The following ERBB4 variants were observed in gnomAD, a reference collection of about 807,000 sequenced individuals.
ERBB4 encodes erb-b2 receptor tyrosine kinase 4, also known as receptor tyrosine-protein kinase erbB-4.
In ERBB4, 42 loss-of-function variants were observed where a neutral mutation model predicts 158.0. That is an observed-to-expected ratio of 0.27 (90% CI 0.21 to 0.34). The LOEUF (loss-of-function observed/expected upper bound fraction) is 0.34, where lower values mean the gene tolerates loss of function less well. ERBB4 is among the 10% of genes least tolerant of loss of function. The probability of loss-of-function intolerance (pLI) is 1.00; values close to 1 mark genes in which losing one functional copy is unlikely to be tolerated. For missense variants in ERBB4, 1,333 were observed against 1,624.1 expected (o/e 0.82, Z 3.08); for synonymous variants, 583 against 558.7 (o/e 1.04, Z -0.61).
intron 2 of ERBB4, among the ~76,000 whole-genome samples, chr2:211,956,555 G>A (rs1032216156): frequency 5.9e-5 from 9 of 151,834 alleles, no homozygotes; most frequent in African/African-American, 1.2e-4. Flanking sequence ...TCAATATTAC[G>A]TTCCTCTTCT....
At chr2:211,983,735 G>A (rs1038302648) in intron 2 of ERBB4, among the ~76,000 whole-genome samples, 8 of 152,046 alleles carry the variant, frequency 5.3e-5, no homozygotes, top group African/African-American at 1.4e-4. Context: ...ATTTAGAGAT[G>A]GTAGTCATTT....
chr2:212,067,982 G>A (rs915788758), intron 2 of ERBB4, among the ~76,000 whole-genome samples: 6 of 151,988 alleles, frequency 3.9e-5, no homozygotes, highest in Non-Finnish European at 7.4e-5. Context: ...ATGCAAAAAC[G>A]AATGAACAGA....
intron 20 of ERBB4, among the ~76,000 whole-genome samples, chr2:211,479,480 G>T (rs35115632): frequency 0.14 from 21,733 of 152,068 alleles, 1,906 homozygotes; most frequent in Admixed American, 0.19. Context: ...ACTGTACATT[G>T]TTTGAAGGTG....
chr2:212,203,287 C>G (rs2082642002), intron 1 of ERBB4, among the ~76,000 whole-genome samples: 1 of 152,000 alleles, frequency 6.6e-6, no homozygotes, highest in African/African-American at 2.4e-5. Flanking sequence ...ATTAGCTATA[C>G]AGGTGTAAGA....
Position 211,413,310 on chromosome 2 carries a change from ACACACAC to A in ERBB4, c.3135+7124_3135+7130del, listed in dbSNP as rs1480410944. Among the ~76,000 whole-genome samples the A allele has an allele frequency of 7.3e-5, 7 of 95,874 alleles. 2 individuals are homozygous for A. Among genetic ancestry groups the A allele is most frequent in the Non-Finnish European group, 9.9e-5 (5 of 50,552 alleles). 62.9% of individuals were successfully genotyped at this position (95,874 alleles called of 152,430 possible). The stretch of plus-strand genomic sequence containing the variant: ...GACAGAGAGAGACCCTGTCTTAAAA[ACACACAC>A]ACACACACACACACACACACACACA... On this transcript the variant is annotated intron_variant, in intron 25 of 27. Coordinates refer to ENST00000342788, the MANE Select transcript of ERBB4 (RefSeq NM_005235.3).
chr2:211,798,347 T>C (rs2076428037), intron 3 of ERBB4, among the ~76,000 whole-genome samples: 1 of 152,164 alleles, frequency 6.6e-6, no homozygotes. Context: ...AGGCTGTTCA[T>C]TTTTATTGTT....
At chr2:212,429,125 G>A (rs974327602) in intron 1 of ERBB4, 1 of 152,346 alleles carries the variant, frequency 6.6e-6, no homozygotes, top group Non-Finnish European at 1.5e-5. Flanking sequence ...CTAAAGCAGG[G>A]AAGAGAGAGA....
intron 20 of ERBB4, among the ~76,000 whole-genome samples, chr2:211,538,044 T>A (rs2066703073): frequency 6.8e-6 from 1 of 147,218 alleles, no homozygotes. Context: ...CTCAGAAACA[T>A]CCAATAATAG....
chr2:212,416,102 A>G (rs1338106188), intron 1 of ERBB4, among the ~76,000 whole-genome samples: 1 of 152,120 alleles, frequency 6.6e-6, no homozygotes, highest in African/African-American at 2.4e-5. Context: ...CTTTCTATTG[A>G]CTCGCATTTG....
At chr2:211,775,065 G>A (rs972958126) in intron 4 of ERBB4, among the ~76,000 whole-genome samples, 2 of 152,144 alleles carry the variant, frequency 1.3e-5, no homozygotes, top group African/African-American at 4.8e-5. Flanking sequence ...TGTTTCCTAA[G>A]GTCAAAAGAG....
At chr2:212,028,821 C>A (rs144933121) in intron 2 of ERBB4, among the ~76,000 whole-genome samples, 4 of 151,992 alleles carry the variant, frequency 2.6e-5, no homozygotes, top group African/African-American at 9.7e-5. Context: ...AGACTTAACC[C>A]AAAGGAATTT....
intron 4 of ERBB4, among the ~76,000 whole-genome samples, chr2:211,768,781 G>A (rs1426926936): frequency 7.0e-6 from 1 of 143,148 alleles, no homozygotes; most frequent in Non-Finnish European, 1.6e-5. Context: ...CTTTTGGCTT[G>A]TGATGCGAGG....
intron 1 of ERBB4, among the ~76,000 whole-genome samples, chr2:212,262,398 G>T (rs1431044430): frequency 6.6e-6 from 1 of 152,034 alleles, no homozygotes; most frequent in African/African-American, 2.4e-5. Flanking sequence ...AGGCATCATT[G>T]TGCATATGAG....
chr2:212,182,656 C>T (rs923203418), intron 1 of ERBB4, among the ~76,000 whole-genome samples: 3 of 151,906 alleles, frequency 2.0e-5, no homozygotes, highest in Admixed American at 6.6e-5. Flanking sequence ...TTTCTTCCCA[C>T]CCGACTCCAC....
At chr2:212,369,421 T>TA (rs2090008633) in intron 1 of ERBB4, among the ~76,000 whole-genome samples, 1 of 152,070 alleles carries the variant, frequency 6.6e-6, no homozygotes, top group Admixed American at 6.6e-5. Context: ...AGCATTGAAT[T>TA]AAAAAAATGT....
intron 1 of ERBB4, among the ~76,000 whole-genome samples, chr2:212,238,379 C>T (rs1469559820): frequency 6.6e-6 from 1 of 152,164 alleles, no homozygotes; most frequent in Non-Finnish European, 1.5e-5. Flanking sequence ...CCCTATCCTG[C>T]TTCAGCTCAC....
At chr2:212,199,400 A>G (rs1030487407) in intron 1 of ERBB4, among the ~76,000 whole-genome samples, 3 of 152,196 alleles carry the variant, frequency 2.0e-5, no homozygotes, top group Non-Finnish European at 4.4e-5. Flanking sequence ...GACTTTAAAT[A>G]TTTTAAAAAT....
chr2:212,311,846 C>G (rs1335046505), intron 1 of ERBB4, among the ~76,000 whole-genome samples: 1 of 150,982 alleles, frequency 6.6e-6, no homozygotes, highest in Non-Finnish European at 1.5e-5. Context: ...GAGAAAGCCA[C>G]ATCTACAGCC....
chr2:211,818,509 C>A (rs1396612593), intron 3 of ERBB4, among the ~76,000 whole-genome samples: 1 of 151,892 alleles, frequency 6.6e-6, no homozygotes, highest in Non-Finnish European at 1.5e-5. Context: ...GAAGGGTATT[C>A]CAATAAAAGA....
Sources: allele counts gnomAD v4.1 joint callset (sites outside exome capture counted in the v4.1 genomes callset), GRCh38; gene constraint gnomAD v4.1.1; transcripts MANE v1.5; gene names NCBI Gene and HGNC (gene_info 2026-07-23, HGNC 2026-07-21).